ERP44: variants seen among roughly 807,000 people sequenced by gnomAD.
ERP44 encodes endoplasmic reticulum resident protein 44.
In ERP44, 25 loss-of-function variants were observed where a neutral mutation model predicts 53.4. The observed-to-expected ratio is 0.47, with a 90% CI of 0.34 to 0.65. The LOEUF is 0.65. Ranked by LOEUF, ERP44 falls within the 30% of genes least tolerant of loss-of-function variation. ERP44 has a pLI of 0.01. For missense variants in ERP44, 338 were observed against 493.2 expected (o/e 0.69, Z 2.98); for synonymous variants, 145 against 161.2 (o/e 0.90, Z 0.76).
At chr9:100,067,842 C>T (rs1278509554) in intron 1 of ERP44, among the ~76,000 whole-genome samples, 1 of 151,778 alleles carries the variant, frequency 6.6e-6, no homozygotes, top group African/African-American at 2.4e-5. Flanking sequence ...TCTGCCTGGC[C>T]GCCCCGTCTG....
At chr9:100,029,018 A>C (rs1196191546) in intron 4 of ERP44, among the ~76,000 whole-genome samples, 1 of 152,226 alleles carries the variant, frequency 6.6e-6, no homozygotes, top group Non-Finnish European at 1.5e-5. Context: ...CTCACCATAA[A>C]CAAAAATCAA....
intron 4 of ERP44, among the ~76,000 whole-genome samples, chr9:100,027,955 C>T (rs1229723700): frequency 6.6e-6 from 1 of 152,080 alleles, no homozygotes; most frequent in East Asian, 1.9e-4. Context: ...AACAAAATAC[C>T]TCAACAGAAA....
intron 1 of ERP44, among the ~76,000 whole-genome samples, chr9:100,069,653 T>A (rs1481402245): frequency 6.6e-6 from 1 of 152,002 alleles, no homozygotes; most frequent in Non-Finnish European, 1.5e-5. Flanking sequence ...AAAAAAAAAA[T>A]TATAAGATTT....
Position 100,016,452 on chromosome 9 carries a change from G to GA in ERP44, c.646-15dup, listed in dbSNP as rs757013076. 2,781 of 1,482,488 alleles carry GA rather than the reference G, an allele frequency of 1.9e-3. No individual in the cohort carries two copies. Among genetic ancestry groups the GA allele is most frequent in the South Asian group, 4.8e-3 (375 of 77,434 alleles). 91.8% of individuals were successfully genotyped at this position (1,482,488 alleles called of 1,614,324 possible). On this transcript the variant is annotated splice_polypyrimidine_tract_variant and intron_variant, in intron 7 of 11. Coordinates refer to ENST00000262455, the MANE Select transcript of ERP44 (RefSeq NM_015051.3). Reference sequence around the variant, plus strand: ...CGGAGCAGAATGCTATTACAAAACAGAAAAAAAAAATTAAATCTAACCTGT... The same window carrying GA: ...CGGAGCAGAATGCTATTACAAAACAGAAAAAAAAAAATTAAATCTAACCTGT...
chr9:100,016,301 T>C (rs1830525095), intron 8 of ERP44, 21 bp downstream of exon 8: 6 of 1,589,488 alleles, frequency 3.8e-6, no homozygotes, highest in Non-Finnish European at 5.1e-6. Flanking sequence ...AAAGTAACAA[T>C]GCACAGTAGA....
chr9:100,085,213 CTCT>C (rs1249676149), intron 1 of ERP44, among the ~76,000 whole-genome samples: 3 of 152,294 alleles, frequency 2.0e-5, no homozygotes, highest in African/African-American at 7.2e-5. Flanking sequence ...ATTTACCCTC[CTCT>C]TTTAACCAAC....
Position 99,979,339 on chromosome 9 carries a change from C to A in ERP44, c.*3273G>T, listed in dbSNP as rs184056403. 1.3e-5 allele frequency: 2 copies of A among 150,786 alleles called. No homozygotes were observed. The highest frequency in any genetic ancestry group is 1.3e-4 in the Admixed American group (2 of 15,176). 9.3% of individuals were successfully genotyped at this position (150,786 alleles called of 1,614,324 possible). A position where few individuals can be genotyped will look rare whatever the true frequency, so the allele number is the denominator to read the frequency against. On this transcript the variant is annotated 3_prime_UTR_variant, in exon 12 of 12. Coordinates refer to ENST00000262455, the MANE Select transcript of ERP44 (RefSeq NM_015051.3). ...GGTTTAAAAAAGAAAAAAAAAAAAG[C>A]CTTCTTGACAACCTTAGCATTTTCT...
intron 8 of ERP44, among the ~76,000 whole-genome samples, chr9:100,014,474 G>A (rs774304671): frequency 1.1e-4 from 16 of 151,980 alleles, no homozygotes; most frequent in Non-Finnish European, 2.1e-4. Context: ...AGTAGAGACG[G>A]GGGTTTCACC....
At chr9:100,044,902 G>A (rs1474490012) in intron 4 of ERP44, among the ~76,000 whole-genome samples, 2 of 152,074 alleles carry the variant, frequency 1.3e-5, no homozygotes, top group East Asian at 3.9e-4. Flanking sequence ...TTTATAACCT[G>A]TAATAGGACA....
intron 1 of ERP44, among the ~76,000 whole-genome samples, chr9:100,081,817 C>T (rs907239064): frequency 1.1e-4 from 17 of 151,970 alleles, no homozygotes; most frequent in Non-Finnish European, 2.2e-4. Context: ...AAGTACAAGA[C>T]AAAGCAATTA....
At chr9:100,086,011 A>G (rs1826477245) in intron 1 of ERP44, among the ~76,000 whole-genome samples, 1 of 152,226 alleles carries the variant, frequency 6.6e-6, no homozygotes, top group Non-Finnish European at 1.5e-5. Flanking sequence ...ATTCAACTAG[A>G]GAAAGATTAT....
intron 8 of ERP44, among the ~76,000 whole-genome samples, chr9:100,014,616 G>GA (rs764337976): frequency 4.8e-4 from 73 of 152,024 alleles, no homozygotes; most frequent in Non-Finnish European, 8.5e-4. Flanking sequence ...AAATAATTGG[G>GA]AAAAAAATTT....
At chr9:100,045,506 C>T (rs115363569) in intron 4 of ERP44, among the ~76,000 whole-genome samples, 3 of 152,158 alleles carry the variant, frequency 2.0e-5, no homozygotes, top group Non-Finnish European at 2.9e-5. Flanking sequence ...TGTAATGCGT[C>T]GTGGTAAAGA....
chr9:100,024,162 C>G (rs2118659959), intron 4 of ERP44, among the ~76,000 whole-genome samples: 1 of 144,968 alleles, frequency 6.9e-6, no homozygotes, highest in African/African-American at 2.8e-5. Flanking sequence ...TCAACAACAA[C>G]AACAACAACA....
intron 4 of ERP44, among the ~76,000 whole-genome samples, chr9:100,039,737 TG>T: frequency 6.6e-6 from 1 of 152,136 alleles, no homozygotes; most frequent in Non-Finnish European, 1.5e-5. Context: ...AACAAAAAGT[TG>T]GTTTTTTGGT....
At chr9:100,065,262 C>T (rs1458520648) in intron 1 of ERP44, among the ~76,000 whole-genome samples, 1 of 152,142 alleles carries the variant, frequency 6.6e-6, no homozygotes, top group African/African-American at 2.4e-5. Flanking sequence ...ATATTCAGTA[C>T]ATTAACATAC....
intron 6 of ERP44, 105 bp downstream of exon 6, chr9:100,020,511 G>C: frequency 1.6e-6 from 1 of 643,726 alleles, no homozygotes. Flanking sequence ...TAAAAGGATT[G>C]AGATCATTTT....
intron 6 of ERP44, among the ~76,000 whole-genome samples, chr9:100,019,974 AT>A (rs1830568852): frequency 1.3e-5 from 2 of 152,208 alleles, no homozygotes; most frequent in Admixed American, 1.3e-4. Context: ...TTTGAAAAAA[AT>A]AAAAAGAAAA....
rs987555510 is a variant in ERP44 at position 100,040,449 on chromosome 9, T to G, written c.286+11968A>C. On this transcript the variant is annotated intron_variant, in intron 4 of 11. Transcript: ENST00000262455. ...TATTTCAATTGATGCTGAAAAAGCATTTGATAAAATTCAACATTCCTTCAT... is the reference window on the plus strand; with the variant it reads ...TATTTCAATTGATGCTGAAAAAGCAGTTGATAAAATTCAACATTCCTTCAT... Among the ~76,000 whole-genome samples the G allele has an allele frequency of 3.3e-5, 5 of 152,180 alleles. No homozygotes were observed. The South Asian group carries it at 1.0e-3, about 32-fold the overall frequency.
Sources: allele counts gnomAD v4.1 joint callset (sites outside exome capture counted in the v4.1 genomes callset), GRCh38; gene constraint gnomAD v4.1.1; transcripts MANE v1.5; gene names NCBI Gene and HGNC (gene_info 2026-07-23, HGNC 2026-07-21).